BNIP3L: variants seen among roughly 807,000 people sequenced by gnomAD.
BNIP3L encodes the protein BCL2/adenovirus E1B 19 kDa protein-interacting protein 3-like.
A neutral mutation model predicts 25.5 loss-of-function variants in BNIP3L; 10 were observed. The observed-to-expected ratio is 0.39, with a 90% CI of 0.24 to 0.67. The LOEUF is 0.67. BNIP3L is among the 30% of genes least tolerant of loss of function. The probability of loss-of-function intolerance (pLI) is 0.45; values close to 1 mark genes in which losing one functional copy is unlikely to be tolerated. For missense variants in BNIP3L, 215 were observed against 270.9 expected, an observed-to-expected ratio of 0.79 and a Z score of 1.45; for synonymous variants, 113 against 101.2, an observed-to-expected ratio of 1.12 and a Z score of -0.70.
At chr8:26,383,591 AGGGGACGTGGGCCGGGAT>A (rs1805909860) in intron 1 of BNIP3L, 1 of 178,908 alleles carries the variant, frequency 5.6e-6, no homozygotes, top group Non-Finnish European at 7.0e-6. Flanking sequence ...CGGGCCGCGG[AGGGGACGTGGGCCGGGAT>A]GGGGACGTGC....
At position 26,383,625 on chromosome 8, in the gene BNIP3L, G is replaced by A. The variant is rs954930979; in HGVS notation, c.100+395G>A. The A allele has an allele frequency of 5.0e-4, 194 of 388,546 alleles. 2 individuals are homozygous for A. Among genetic ancestry groups the A allele is most frequent in the Admixed American group, 7.8e-4 (12 of 15,290 alleles). 24.1% of individuals were successfully genotyped at this position (388,546 alleles called of 1,614,324 possible). A position where few individuals can be genotyped will look rare whatever the true frequency, so the allele number is the denominator to read the frequency against. ...GGGCCGGGATGGGGACGTGCGGCGG[G>A]GACGCCGGGGGATGGACGCGCGGGA... On this transcript the variant is annotated intron_variant, in intron 1 of 5. Transcript: ENST00000380629.
At chr8:26,389,361 C>T (rs1032974508) in intron 1 of BNIP3L, among the ~76,000 whole-genome samples, 24 of 151,946 alleles carry the variant, frequency 1.6e-4, no homozygotes, top group South Asian at 2.1e-4. Flanking sequence ...ATGCTTTTGG[C>T]GTATTTCTTA....
chr8:26,393,209 T>A (rs1326949742), intron 2 of BNIP3L, among the ~76,000 whole-genome samples: 1 of 151,722 alleles, frequency 6.6e-6, no homozygotes, highest in Non-Finnish European at 1.5e-5. Context: ...AATTGGAAAG[T>A]GTTTCTTGTA....
At chr8:26,404,934 A>C (rs1806465130) in intron 3 of BNIP3L, among the ~76,000 whole-genome samples, 2 of 152,256 alleles carry the variant, frequency 1.3e-5, no homozygotes, top group Non-Finnish European at 2.9e-5. Context: ...AAGGCAGTTT[A>C]AAACCTGAAA....
rs757187598 is a variant in BNIP3L at position 26,383,058 on chromosome 8, T to G, written c.-73T>G. ...AGGCGCAGAAAAGGGGGCGGCGGAC[T>G]CGGCTTGTTGTGTTGCTGCCTGAGT... On this transcript the variant is annotated 5_prime_UTR_variant, in exon 1 of 6. Transcript: ENST00000380629. 1.4e-6 allele frequency: 2 copies of G among 1,412,126 alleles called. No homozygotes were observed. Among genetic ancestry groups the G allele is most frequent in the Non-Finnish European group, 1.9e-6 (2 of 1,030,196 alleles). The allele number at this position is 1,412,126 out of a possible 1,614,324, so 87.5% of individuals were successfully genotyped here. A position where few individuals can be genotyped will look rare whatever the true frequency, so the allele number is the denominator to read the frequency against.
chr8:26,391,003 C>G (rs1399889065), intron 1 of BNIP3L, among the ~76,000 whole-genome samples: 4 of 152,058 alleles, frequency 2.6e-5, no homozygotes, highest in Non-Finnish European at 2.9e-5. Context: ...GACTGAAAAA[C>G]ACGTTTTCTG....
intron 5 of BNIP3L, among the ~76,000 whole-genome samples, chr8:26,409,879 G>A (rs922844727): frequency 6.6e-5 from 10 of 152,042 alleles, no homozygotes; most frequent in Non-Finnish European, 1.5e-5. Context: ...GTATTATAAG[G>A]CCCCTAATCC....
At chr8:26,383,387 G>A (rs1431460878) in intron 1 of BNIP3L, 157 bp downstream of exon 1, 1 of 1,448,050 alleles carries the variant, frequency 6.9e-7, no homozygotes, top group Non-Finnish European at 9.1e-7. Context: ...CCTGTCAAGA[G>A]GAGGGGCGCC....
chr8:26,384,234 TC>T (rs1805931456), intron 1 of BNIP3L, among the ~76,000 whole-genome samples: 1 of 152,082 alleles, frequency 6.6e-6, no homozygotes, highest in Non-Finnish European at 1.5e-5. Flanking sequence ...CCAGATGAAG[TC>T]TTTTCAAAAC....
At chr8:26,383,391 G>T (rs1805900677) in intron 1 of BNIP3L, 161 bp downstream of exon 1, 3 of 1,445,814 alleles carry the variant, frequency 2.1e-6, no homozygotes, top group Admixed American at 2.7e-5. Context: ...TCAAGAGGAG[G>T]GGCGCCTGCC....
intron 1 of BNIP3L, among the ~76,000 whole-genome samples, chr8:26,386,896 T>A (rs1413100029): frequency 6.6e-6 from 1 of 152,206 alleles, no homozygotes; most frequent in Non-Finnish European, 1.5e-5. Flanking sequence ...ATTTATTTAT[T>A]TTTTTATTTA....
chr8:26,386,449 T>C (rs755062636), intron 1 of BNIP3L, among the ~76,000 whole-genome samples: 5 of 152,198 alleles, frequency 3.3e-5, no homozygotes, highest in African/African-American at 7.2e-5. Flanking sequence ...TTTTTTGTTT[T>C]GTTGAGACAG....
In BNIP3L at chr8:26,404,849, T is replaced by C. The variant is rs140575729; in HGVS notation, c.358-3151T>C. Among the ~76,000 whole-genome samples the C allele has an allele frequency of 1.6e-3, 244 of 152,368 alleles. 2 individuals carry two copies. The highest frequency in any genetic ancestry group is 5.2e-3 in the African/African-American group (216 of 41,590). On this transcript the variant is annotated intron_variant, in intron 3 of 5. Coordinates refer to ENST00000380629, the MANE Select transcript of BNIP3L (RefSeq NM_004331.3). ...AGATGTAGGTATAGAGAGAGGATTA[T>C]TGATTTTAAAAGCACAAATCTTACG...
intron 3 of BNIP3L, among the ~76,000 whole-genome samples, chr8:26,406,833 A>G (rs1185722936): frequency 6.6e-6 from 1 of 151,768 alleles, no homozygotes; most frequent in Non-Finnish European, 1.5e-5. Context: ...AAAAAAATGC[A>G]TGTAACATGC....
chr8:26,392,001 TCTC>T (rs1444825439), intron 2 of BNIP3L, among the ~76,000 whole-genome samples: 17 of 152,174 alleles, frequency 1.1e-4, no homozygotes, highest in African/African-American at 3.9e-4. Flanking sequence ...AGTTTTGAAG[TCTC>T]CTCTGCTTTC....
intron 5 of BNIP3L, among the ~76,000 whole-genome samples, chr8:26,409,576 T>C (rs1806575374): frequency 6.6e-6 from 1 of 152,156 alleles, no homozygotes; most frequent in Non-Finnish European, 1.5e-5. Flanking sequence ...ACTGTGTGAC[T>C]GTTGCGTGGG....
At chr8:26,386,547 G>A (rs1167572836) in intron 1 of BNIP3L, among the ~76,000 whole-genome samples, 1 of 152,050 alleles carries the variant, frequency 6.6e-6, no homozygotes, top group Non-Finnish European at 1.5e-5. Flanking sequence ...TGATCCTCCT[G>A]CCTCAGCCTC....
At chr8:26,405,525 C>G (rs1177538285) in intron 3 of BNIP3L, among the ~76,000 whole-genome samples, 1 of 152,198 alleles carries the variant, frequency 6.6e-6, no homozygotes, top group African/African-American at 2.4e-5. Flanking sequence ...AGGGGTTTTA[C>G]TTTGCCCTGT....
intron 1 of BNIP3L, among the ~76,000 whole-genome samples, chr8:26,384,823 G>A (rs1585428497): frequency 6.7e-6 from 1 of 148,666 alleles, no homozygotes; most frequent in Non-Finnish European, 1.5e-5. Context: ...TCAGCCTCCC[G>A]AGTAGCTGGG....
Sources: gnomAD v4.1 joint callset for allele counts (sites outside exome capture counted in the v4.1 genomes callset) on GRCh38, gnomAD v4.1.1 for gene constraint, MANE v1.5 for transcripts, NCBI Gene and HGNC (gene_info 2026-07-23, HGNC 2026-07-21) for gene names.